Variants in PRKD1 observed in about 807,000 individuals in gnomAD.
PRKD1 encodes protein kinase D1.
In PRKD1, 63 loss-of-function variants were observed where a neutral mutation model predicts 95.9. That is an observed-to-expected ratio of 0.66 (90% CI 0.54 to 0.81). The LOEUF is 0.81. Among genes scored for constraint, PRKD1 ranks in the 30% least tolerant of loss-of-function variants. The pLI is 0.00. For synonymous variants in PRKD1, 425 were observed against 423.1 expected, an observed-to-expected ratio of 1.00 and a Z score of -0.05; for missense variants, 1,048 against 1,165.3, an observed-to-expected ratio of 0.90 and a Z score of 1.47.
At chr14:29,680,721 A>AGG (rs1566535315) in intron 2 of PRKD1, among the ~76,000 whole-genome samples, 1 of 152,212 alleles carries the variant, frequency 6.6e-6, no homozygotes, top group Non-Finnish European at 1.5e-5. Context: ...TTTAAAATGA[A>AGG]GCCAAGGTGA....
At chr14:29,881,674 G>C (rs1893517348) in intron 1 of PRKD1, among the ~76,000 whole-genome samples, 1 of 151,872 alleles carries the variant, frequency 6.6e-6, no homozygotes, top group Admixed American at 6.6e-5. Context: ...TTCCAGTTTG[G>C]GGACCTCTCT....
chr14:29,857,363 C>A lies in PRKD1; in HGVS notation c.264+69886G>T, dbSNP rs779771693. 3.3e-5 allele frequency among the ~76,000 whole-genome samples: 5 copies of A among 152,078 alleles called. No individual in the cohort carries two copies. The Middle Eastern group carries it at 0.01, about 310-fold the overall frequency. ...GAGCCATCAGAGAAAACAACAACAACAAAAAAGAAACACCAGTTTTTTCAT... is the reference window on the plus strand; with the variant it reads ...GAGCCATCAGAGAAAACAACAACAAAAAAAAAGAAACACCAGTTTTTTCAT... On this transcript the variant is annotated intron_variant, in intron 1 of 17. Transcript: ENST00000331968.
chr14:29,713,850 CTG>C (rs945745834), intron 2 of PRKD1, among the ~76,000 whole-genome samples: 2 of 152,128 alleles, frequency 1.3e-5, no homozygotes, highest in African/African-American at 4.8e-5. Context: ...GTTCAGGAAA[CTG>C]TGGTATTCAA....
intron 2 of PRKD1, among the ~76,000 whole-genome samples, chr14:29,718,611 C>T (rs1021252382): frequency 1.3e-5 from 2 of 152,096 alleles, no homozygotes; most frequent in Non-Finnish European, 2.9e-5. Context: ...AGAGAAATGA[C>T]GTGTATTTTC....
chr14:29,775,142 T>G (rs1016129638), intron 1 of PRKD1, among the ~76,000 whole-genome samples: 3 of 152,170 alleles, frequency 2.0e-5, no homozygotes, highest in African/African-American at 7.2e-5. Flanking sequence ...TGTGAATAGC[T>G]TATAGAACCT....
At chr14:29,861,561 C>A (rs1288924002) in intron 1 of PRKD1, among the ~76,000 whole-genome samples, 2 of 152,068 alleles carry the variant, frequency 1.3e-5, no homozygotes, top group Non-Finnish European at 2.9e-5. Flanking sequence ...ACAAACAATC[C>A]AATTATATTA....
intron 2 of PRKD1, among the ~76,000 whole-genome samples, chr14:29,680,868 A>T (rs1013161101): frequency 5.3e-5 from 8 of 152,142 alleles, no homozygotes; most frequent in Non-Finnish European, 1.2e-4. Flanking sequence ...TAGATGGAGG[A>T]ATTGATTGTA....
At chr14:29,774,926 G>A (rs1888669824) in intron 1 of PRKD1, among the ~76,000 whole-genome samples, 1 of 152,162 alleles carries the variant, frequency 6.6e-6, no homozygotes, top group Non-Finnish European at 1.5e-5. Context: ...AATCAGGGGA[G>A]AGGTTGGAAA....
intron 2 of PRKD1, among the ~76,000 whole-genome samples, chr14:29,689,345 ACATTTTT>A (rs796902038): frequency 4.6e-5 from 7 of 152,302 alleles, no homozygotes; most frequent in African/African-American, 1.7e-4. Flanking sequence ...CAGCCAATAA[ACATTTTT>A]TAAAAAGCCT....
At chr14:29,684,052 A>G (rs1883702028) in intron 2 of PRKD1, among the ~76,000 whole-genome samples, 1 of 151,258 alleles carries the variant, frequency 6.6e-6, no homozygotes, top group Non-Finnish European at 1.5e-5. Flanking sequence ...TGTCCCTCAC[A>G]CTCTTCAAAA....
At chr14:29,860,952 T>C (rs879347467) in intron 1 of PRKD1, among the ~76,000 whole-genome samples, 1 of 152,210 alleles carries the variant, frequency 6.6e-6, no homozygotes, top group African/African-American at 2.4e-5. Flanking sequence ...ATTCCGTAAT[T>C]AGTTTAAAAA....
intron 2 of PRKD1, among the ~76,000 whole-genome samples, chr14:29,677,412 C>A (rs1883294689): frequency 6.6e-6 from 1 of 152,126 alleles, no homozygotes; most frequent in Admixed American, 6.5e-5. Context: ...GAATCCAGGC[C>A]TACACATGAA....
chr14:29,863,922 C>A (rs951661930), intron 1 of PRKD1, among the ~76,000 whole-genome samples: 1 of 151,980 alleles, frequency 6.6e-6, no homozygotes, highest in Non-Finnish European at 1.5e-5. Flanking sequence ...GCAGTTTTAG[C>A]TACTTCTGGG....
chr14:29,793,471 A>T (rs45589733), intron 1 of PRKD1, among the ~76,000 whole-genome samples: 6,363 of 152,212 alleles, frequency 0.042, 196 homozygotes, highest in Admixed American at 0.089. Context: ...TGCGCTCTAA[A>T]TCCCAAATTC....
chr14:29,791,826 G>T (rs924781823), intron 1 of PRKD1, among the ~76,000 whole-genome samples: 1 of 152,100 alleles, frequency 6.6e-6, no homozygotes. Context: ...CCAAGGTATG[G>T]TAAATTTCTC....
chr14:29,648,817 G>C (rs765507743), intron 4 of PRKD1, among the ~76,000 whole-genome samples: 1 of 152,094 alleles, frequency 6.6e-6, no homozygotes, highest in Non-Finnish European at 1.5e-5. Context: ...ACCATGCCCA[G>C]CTAATTTTTT....
At chr14:29,926,767 A>G (rs1895312069) in intron 1 of PRKD1, among the ~76,000 whole-genome samples, 1 of 152,114 alleles carries the variant, frequency 6.6e-6, no homozygotes, top group African/African-American at 2.4e-5. Context: ...CAACTGGCCG[A>G]GTCAATCACA....
chr14:29,756,097 ATGCATTT>A (rs1198173102), intron 1 of PRKD1, among the ~76,000 whole-genome samples: 1 of 152,200 alleles, frequency 6.6e-6, no homozygotes, highest in Non-Finnish European at 1.5e-5. Context: ...GGTTATACAT[ATGCATTT>A]TTCCTCTAGT....
At chr14:29,769,246 C>A (rs1555342998) in intron 1 of PRKD1, among the ~76,000 whole-genome samples, 1 of 151,712 alleles carries the variant, frequency 6.6e-6, no homozygotes, top group South Asian at 2.1e-4. Flanking sequence ...GTAACACACT[C>A]TCTCTCTCTC....
Sources: gnomAD v4.1 joint callset for allele counts (sites outside exome capture counted in the v4.1 genomes callset) on GRCh38, gnomAD v4.1.1 for gene constraint, MANE v1.5 for transcripts, NCBI Gene and HGNC (gene_info 2026-07-23, HGNC 2026-07-21) for gene names.